The following BMERB1 variants were observed in gnomAD, a reference collection of about 807,000 sequenced individuals.
BMERB1 encodes bMERB domain-containing protein 1.
In BMERB1, 12 loss-of-function variants were observed where a neutral mutation model predicts 23.6. That is an observed-to-expected ratio of 0.51 (90% CI 0.33 to 0.82). BMERB1 has a LOEUF of 0.82. Among genes scored for constraint, BMERB1 ranks in the 40% least tolerant of loss-of-function variants. BMERB1 has a pLI of 0.03. For missense variants in BMERB1, 247 were observed against 255.4 expected (o/e 0.97, Z 0.22); for synonymous variants, 122 against 96.6 (o/e 1.26, Z -1.54).
chr16:15,518,045 G>A (rs1224035427), intron 2 of BMERB1, among the ~76,000 whole-genome samples: 1 of 152,050 alleles, frequency 6.6e-6, no homozygotes, highest in African/African-American at 2.4e-5. Context: ...ATGTGGGTAT[G>A]GATGTATGGA....
intron 1 of BMERB1, among the ~76,000 whole-genome samples, chr16:15,455,639 T>G (rs1383332019): frequency 6.6e-6 from 1 of 151,808 alleles, no homozygotes; most frequent in Non-Finnish European, 1.5e-5. Flanking sequence ...TTTGTATTTT[T>G]TTAGTAGAGA....
rs541940789 is a variant in BMERB1 at position 15,491,953 on chromosome 16, G to C, written c.107-23352G>C. Among the ~76,000 whole-genome samples the C allele has an allele frequency of 2.6e-5, 4 of 152,264 alleles. No homozygotes were observed. In the South Asian group the frequency reaches 8.3e-4, roughly 32 times the overall value. ...GCTTGCTGTCTGTCTTCATCAGGAG[G>C]ATGGATGTTTCATTTCTGCATGCCT... On this transcript the variant is annotated intron_variant, in intron 1 of 5. Transcript: ENST00000300006.
chr16:15,453,043 G>T lies in BMERB1; in HGVS notation c.106+18284G>T, dbSNP rs556102928. 1.6e-4 allele frequency among the ~76,000 whole-genome samples: 24 copies of T among 152,078 alleles called. No individual in the cohort carries two copies. The South Asian group carries it at 4.8e-3, about 30-fold the overall frequency. ...CAAAAATAGCTGGGCGTGGTGGCAG[G>T]TGCCTGTAATCCCAGCTACTCGGGA... On this transcript the variant is annotated intron_variant, in intron 1 of 5. Coordinates refer to ENST00000300006, the MANE Select transcript of BMERB1 (RefSeq NM_033201.3).
intron 1 of BMERB1, among the ~76,000 whole-genome samples, chr16:15,507,371 C>T (rs947791284): frequency 6.6e-5 from 10 of 152,154 alleles, no homozygotes; most frequent in South Asian, 2.1e-4. Flanking sequence ...CTGGTGCCAC[C>T]GCTCAGGAAG....
chr16:15,472,283 T>A (rs758135417), intron 1 of BMERB1, among the ~76,000 whole-genome samples: 2 of 152,252 alleles, frequency 1.3e-5, no homozygotes, highest in African/African-American at 4.8e-5. Context: ...TTGAATGTTA[T>A]GCAGTTATTC....
intron 2 of BMERB1, among the ~76,000 whole-genome samples, chr16:15,549,896 CTTTA>C (rs2030034753): frequency 6.6e-6 from 1 of 151,750 alleles, no homozygotes; most frequent in South Asian, 2.1e-4. Flanking sequence ...TTTCCCATTT[CTTTA>C]TTTCATTTTC....
intron 1 of BMERB1, among the ~76,000 whole-genome samples, chr16:15,506,113 G>C (rs1445735253): frequency 6.6e-6 from 1 of 151,864 alleles, no homozygotes; most frequent in African/African-American, 2.4e-5. Context: ...TAGAACTGAT[G>C]TTTACGGTGT....
At chr16:15,482,861 G>A (rs755776892) in intron 1 of BMERB1, among the ~76,000 whole-genome samples, 10 of 151,934 alleles carry the variant, frequency 6.6e-5, no homozygotes, top group Non-Finnish European at 1.2e-4. Context: ...AGCTTTACAT[G>A]CGTTGTCTCA....
At chr16:15,537,750 T>C (rs1028891399) in intron 2 of BMERB1, among the ~76,000 whole-genome samples, 18 of 151,878 alleles carry the variant, frequency 1.2e-4, no homozygotes, top group African/African-American at 4.1e-4. Flanking sequence ...CTTGAACTCC[T>C]GGGCTCCAGT....
intron 2 of BMERB1, among the ~76,000 whole-genome samples, chr16:15,535,137 C>A (rs1301635758): frequency 2.0e-5 from 3 of 151,954 alleles, no homozygotes; most frequent in Admixed American, 2.0e-4. Context: ...ATCGCTTGAG[C>A]CTAGAAGTTC....
chr16:15,486,679 T>C (rs1410193656), intron 1 of BMERB1, among the ~76,000 whole-genome samples: 3 of 152,192 alleles, frequency 2.0e-5, no homozygotes, highest in Admixed American at 6.5e-5. Flanking sequence ...CACAGTGATA[T>C]CAATTAAATT....
At chr16:15,550,170 A>G (rs1260357565) in intron 2 of BMERB1, among the ~76,000 whole-genome samples, 2 of 152,026 alleles carry the variant, frequency 1.3e-5, no homozygotes, top group African/African-American at 4.8e-5. Context: ...CTATCTCCTG[A>G]CCTCGTGATC....
At chr16:15,489,878 T>G (rs996073917) in intron 1 of BMERB1, among the ~76,000 whole-genome samples, 1 of 152,192 alleles carries the variant, frequency 6.6e-6, no homozygotes, top group African/African-American at 2.4e-5. Flanking sequence ...CCAATATCTT[T>G]TTTTTTGAGA....
chr16:15,586,592 C>T, intron 5 of BMERB1, 125 bp from the exon 6 acceptor site: 1 of 757,618 alleles, frequency 1.3e-6, no homozygotes, highest in South Asian at 1.5e-5. Context: ...CTGAACAAGG[C>T]CTGGAACAAG....
intron 2 of BMERB1, among the ~76,000 whole-genome samples, chr16:15,549,456 G>A (rs746408154): frequency 3.3e-5 from 5 of 152,048 alleles, no homozygotes; most frequent in Non-Finnish European, 4.4e-5. Flanking sequence ...AGAGGCAGGC[G>A]GATCACTAGG....
chr16:15,481,910 T>TC (rs1271905829), intron 1 of BMERB1, among the ~76,000 whole-genome samples: 4 of 151,092 alleles, frequency 2.6e-5, no homozygotes, highest in Non-Finnish European at 3.0e-5. Flanking sequence ...TTTTTTTTTT[T>TC]AGTAGAGACG....
chr16:15,459,498 A>G (rs1010398035), intron 1 of BMERB1, among the ~76,000 whole-genome samples: 5 of 152,188 alleles, frequency 3.3e-5, no homozygotes, highest in African/African-American at 1.2e-4. Context: ...CAGACAGAAG[A>G]AAATTTAAGA....
In BMERB1 at chr16:15,462,137, CTTTTTTTTTTTTTT is replaced by C. The variant is rs71152431; in HGVS notation, c.106+27397_106+27410del. Among the ~76,000 whole-genome samples the C allele has an allele frequency of 3.3e-4, 19 of 56,962 alleles. 1 individual carries two copies. Among genetic ancestry groups the C allele is most frequent in the South Asian group, 8.4e-4 (1 of 1,194 alleles). The allele number at this position is 56,962 out of a possible 152,430, so 37.4% of individuals were successfully genotyped here. On this transcript the variant is annotated intron_variant, in intron 1 of 5. Coordinates refer to ENST00000300006, the MANE Select transcript of BMERB1 (RefSeq NM_033201.3). ...ATTCAAAGTTAACTGGATGTCCTGC[CTTTTTTTTTTTTTT>C]TTTTTTTTTTTTTTTTTTGAGGTGG...
At chr16:15,551,297 G>T (rs2030084783) in intron 2 of BMERB1, among the ~76,000 whole-genome samples, 1 of 152,130 alleles carries the variant, frequency 6.6e-6, no homozygotes, top group Non-Finnish European at 1.5e-5. Flanking sequence ...TTCCTTCCTT[G>T]TGTATTTACT....
Sources: allele counts gnomAD v4.1 joint callset (sites outside exome capture counted in the v4.1 genomes callset), GRCh38; gene constraint gnomAD v4.1.1; transcripts MANE v1.5; gene names NCBI Gene and HGNC (gene_info 2026-07-23, HGNC 2026-07-21).